Variants in NHS observed in about 807,000 individuals in gnomAD.
NHS encodes NHS actin remodeling regulator.
A neutral mutation model predicts 72.5 loss-of-function variants in NHS; 5 were observed. That is an observed-to-expected ratio of 0.07 (90% CI 0.04 to 0.14). The LOEUF (loss-of-function observed/expected upper bound fraction) is 0.14, where lower values mean the gene tolerates loss of function less well. Ranked by LOEUF, NHS falls within the 10% of genes least tolerant of loss-of-function variation. The pLI, the probability that NHS is intolerant of heterozygous loss-of-function variation, is 1.00. For synonymous variants in NHS, 464 were observed against 547.7 expected, an observed-to-expected ratio of 0.85 and a Z score of 2.13; for missense variants, 1,072 against 1,355.7, an observed-to-expected ratio of 0.79 and a Z score of 3.29.
intron 1 of NHS, among the ~76,000 whole-genome samples, chrX:17,508,357 T>C (rs1201618293): frequency 5.3e-5 from 6 of 112,363 alleles, no homozygotes; most frequent in Non-Finnish European, 1.9e-5. Context: ...TCAGTTAGCA[T>C]AATGTTTTCT....
intron 1 of NHS, among the ~76,000 whole-genome samples, chrX:17,530,671 T>C (rs1777558018): frequency 2.7e-5 from 3 of 112,213 alleles, no homozygotes; most frequent in Non-Finnish European, 5.6e-5. Flanking sequence ...TTTGAGCATA[T>C]ATTGGAATTT....
chrX:17,618,222 G>A (rs1006986382), intron 1 of NHS, among the ~76,000 whole-genome samples: 1 of 111,812 alleles, frequency 8.9e-6, no homozygotes, highest in Non-Finnish European at 1.9e-5. Context: ...TGATATATAA[G>A]TACTCAGTAT....
At chrX:17,687,973 G>A in intron 2 of NHS, 79 bp downstream of exon 2, 1 of 1,032,258 alleles carries the variant, frequency 9.7e-7, no homozygotes, top group South Asian at 2.1e-5. Flanking sequence ...TGTCCCATCA[G>A]CCCCAACACA....
intron 1 of NHS, among the ~76,000 whole-genome samples, chrX:17,682,688 G>A (rs1047613310): frequency 9.0e-6 from 1 of 111,493 alleles, no homozygotes; most frequent in Non-Finnish European, 1.9e-5. Flanking sequence ...GGAGTAGCAG[G>A]GGAGAAAGCC....
chrX:17,703,166 C>T (rs1022167823), intron 3 of NHS, among the ~76,000 whole-genome samples: 6 of 110,846 alleles, frequency 5.4e-5, no homozygotes, highest in African/African-American at 1.6e-4. Flanking sequence ...GGCATAGTGG[C>T]GCACACCTGT....
At chrX:17,518,817 A>G (rs530032256) in intron 1 of NHS, among the ~76,000 whole-genome samples, 1 of 111,870 alleles carries the variant, frequency 8.9e-6, no homozygotes, top group South Asian at 3.8e-4. Context: ...GTTGATCTTG[A>G]GTGCAGCTTG....
chrX:17,729,974 A>G (rs892057432), intron 8 of NHS, among the ~76,000 whole-genome samples: 1 of 112,468 alleles, frequency 8.9e-6, no homozygotes. Flanking sequence ...CTCATAAAGA[A>G]GGAGTACTGC....
chrX:17,381,292 A>G (rs989666410), intron 1 of NHS, among the ~76,000 whole-genome samples: 7 of 111,979 alleles, frequency 6.3e-5, no homozygotes, highest in Admixed American at 9.4e-5. Context: ...TTTAAAATAA[A>G]TTTTATATTA....
chrX:17,538,413 A>C (rs1266881239), intron 1 of NHS, among the ~76,000 whole-genome samples: 1 of 111,735 alleles, frequency 8.9e-6, no homozygotes, highest in Non-Finnish European at 1.9e-5. Context: ...ACATAGGTGC[A>C]CTAAAGAGTA....
At chrX:17,488,159 A>G (rs1340215180) in intron 1 of NHS, among the ~76,000 whole-genome samples, 3 of 111,400 alleles carry the variant, frequency 2.7e-5, no homozygotes, top group African/African-American at 9.8e-5. Context: ...ATTCCCATAC[A>G]TAAGGCACCA....
intron 1 of NHS, among the ~76,000 whole-genome samples, chrX:17,667,168 AG>A (rs2066017957): frequency 8.9e-6 from 1 of 112,742 alleles, no homozygotes; most frequent in African/African-American, 3.2e-5. Flanking sequence ...CCTGCCTTTC[AG>A]GCTTTAATAT....
chrX:17,687,595 G>C (rs2066170494), intron 1 of NHS, 147 bp from the exon 2 acceptor site: 2 of 730,771 alleles, frequency 2.7e-6, no homozygotes, highest in African/African-American at 2.1e-5. Flanking sequence ...ACCTTTCTCC[G>C]GCCTTGAGTT....
intron 1 of NHS, among the ~76,000 whole-genome samples, chrX:17,531,804 C>T (rs1256662711): frequency 1.8e-5 from 2 of 112,755 alleles, no homozygotes; most frequent in Admixed American, 9.3e-5. Context: ...CTTAGTGCCT[C>T]AGCATCCTGC....
chrX:17,723,572 T>C (rs16980669), intron 5 of NHS, among the ~76,000 whole-genome samples: 1,468 of 111,936 alleles, frequency 0.013, 29 homozygotes, highest in African/African-American at 0.045. Flanking sequence ...AGTGCAGAAC[T>C]GGGGACTGCC....
chrX:17,515,041 G>C (rs2065112746), intron 1 of NHS, among the ~76,000 whole-genome samples: 1 of 111,785 alleles, frequency 8.9e-6, no homozygotes, highest in South Asian at 3.7e-4. Context: ...TCATCCTAGA[G>C]ATGAGGGGCC....
chrX:17,554,068 A>G (rs1417889147), intron 1 of NHS, among the ~76,000 whole-genome samples: 2 of 112,278 alleles, frequency 1.8e-5, no homozygotes, highest in South Asian at 7.4e-4. Flanking sequence ...CTCCCACACT[A>G]AGGAGAAGAG....
At chrX:17,439,180 G>A (rs1192679853) in intron 1 of NHS, among the ~76,000 whole-genome samples, 1 of 110,598 alleles carries the variant, frequency 9.0e-6, no homozygotes, top group Non-Finnish European at 1.9e-5. Context: ...CTCTTTGAAG[G>A]GGATTGAGGC....
chrX:17,633,020 C>CATAA (rs2147069221), intron 1 of NHS, among the ~76,000 whole-genome samples: 1 of 111,263 alleles, frequency 9.0e-6, no homozygotes, highest in South Asian at 3.8e-4. Flanking sequence ...TTCCTGCTTA[C>CATAA]TTATGCTGTA....
chrX:17,670,116 G>A (rs2066035364), intron 1 of NHS, among the ~76,000 whole-genome samples: 1 of 112,445 alleles, frequency 8.9e-6, no homozygotes, highest in Non-Finnish European at 1.9e-5. Context: ...TACACAATGG[G>A]AAGCTGACAC....
Sources: allele counts gnomAD v4.1 joint callset (sites outside exome capture counted in the v4.1 genomes callset), GRCh38; gene constraint gnomAD v4.1.1; transcripts MANE v1.5; gene names NCBI Gene and HGNC (gene_info 2026-07-23, HGNC 2026-07-21).